The following MOB3B variants were observed in gnomAD, a reference collection of about 807,000 sequenced individuals.
MOB3B encodes the protein MOB kinase activator-like 2B.
A neutral mutation model predicts 18.7 loss-of-function variants in MOB3B; 7 were observed. That is an observed-to-expected ratio of 0.37 (90% confidence interval 0.21 to 0.70). The LOEUF (loss-of-function observed/expected upper bound fraction) is 0.70. MOB3B is among the 30% of genes least tolerant of loss of function. MOB3B has a pLI of 0.52. For missense variants in MOB3B, 253 were observed against 281.3 expected (o/e 0.90, Z 0.72); for synonymous variants, 111 against 99.9 (o/e 1.11, Z -0.66).
At chr9:27,472,166 G>T (rs1819482340) in intron 1 of MOB3B, among the ~76,000 whole-genome samples, 1 of 151,314 alleles carries the variant, frequency 6.6e-6, no homozygotes, top group Admixed American at 6.6e-5. Context: ...ATTTAGGGGA[G>T]TTGTTTTGGT....
intron 1 of MOB3B, among the ~76,000 whole-genome samples, chr9:27,476,560 C>A (rs944531927): frequency 2.0e-5 from 3 of 152,158 alleles, no homozygotes; most frequent in Non-Finnish European, 2.9e-5. Context: ...TCTGCAATAA[C>A]CCTGTTTTCA....
At chr9:27,486,993 T>C (rs942592671) in intron 1 of MOB3B, among the ~76,000 whole-genome samples, 2 of 151,982 alleles carry the variant, frequency 1.3e-5, no homozygotes, top group Non-Finnish European at 2.9e-5. Flanking sequence ...TAGCTGGGTG[T>C]GGTGTCACAT....
At chr9:27,474,152 T>C (rs1819517700) in intron 1 of MOB3B, among the ~76,000 whole-genome samples, 1 of 152,210 alleles carries the variant, frequency 6.6e-6, no homozygotes, top group South Asian at 2.1e-4. Context: ...CTCATTTTTA[T>C]TATAGTCTAG....
chr9:27,402,132 G>A (rs759062083), intron 2 of MOB3B, among the ~76,000 whole-genome samples: 6 of 152,184 alleles, frequency 3.9e-5, no homozygotes, highest in Non-Finnish European at 8.8e-5. Context: ...TCTTGGGAAT[G>A]TTAACTGTAA....
rs58851638 is a variant in MOB3B at position 27,357,888 on chromosome 9, C to CAAAAAAAAAAAAAAAAAAAAAAA, written c.621+1123_621+1145dup. The stretch of plus-strand genomic sequence containing the variant: ...TCAACATAATGAGATCCCATCGCTA[C>CAAAAAAAAAAAAAAAAAAAAAAA]AAAAAAAAAAAAAAAAAAAAAAAAA... On this transcript the variant is annotated intron_variant, in intron 3 of 3. Transcript: ENST00000262244. Among the ~76,000 whole-genome samples, 89 of 57,960 alleles carry CAAAAAAAAAAAAAAAAAAAAAAA rather than the reference C, an allele frequency of 1.5e-3. 10 individuals carry two copies. The highest frequency in any genetic ancestry group is 1.9e-3 in the Non-Finnish European group (60 of 31,468). The allele number at this position is 57,960 out of a possible 152,430, so 38.0% of individuals were successfully genotyped here.
intron 2 of MOB3B, among the ~76,000 whole-genome samples, chr9:27,447,426 G>A (rs182691932): frequency 1.2e-3 from 188 of 152,248 alleles, no homozygotes; most frequent in Middle Eastern, 3.4e-3. Flanking sequence ...CCCTATTATG[G>A]CCTTTGTTTG....
intron 1 of MOB3B, among the ~76,000 whole-genome samples, chr9:27,510,358 C>T (rs1820124616): frequency 6.6e-6 from 1 of 152,162 alleles, no homozygotes; most frequent in Admixed American, 6.5e-5. Flanking sequence ...GTCTGTAGTC[C>T]TCCCTGTATT....
At chr9:27,407,674 A>G (rs1822002906) in intron 2 of MOB3B, among the ~76,000 whole-genome samples, 1 of 152,160 alleles carries the variant, frequency 6.6e-6, no homozygotes, top group African/African-American at 2.4e-5. Flanking sequence ...TTCTGCTCCA[A>G]GGAAACTGGT....
chr9:27,347,782 ATACT>A (rs1174256890), intron 3 of MOB3B, among the ~76,000 whole-genome samples: 2 of 152,208 alleles, frequency 1.3e-5, no homozygotes, highest in Non-Finnish European at 2.9e-5. Context: ...AGATACACAA[ATACT>A]TACCATTATG....
chr9:27,484,002 C>T, intron 1 of MOB3B, among the ~76,000 whole-genome samples: 1 of 152,174 alleles, frequency 6.6e-6, no homozygotes, highest in South Asian at 2.1e-4. Flanking sequence ...CTAAGGAGTG[C>T]CAGGGCAGGG....
At chr9:27,455,807 A>G (rs966335820) in intron 1 of MOB3B, 59 bp from the exon 2 acceptor site, 40 of 1,367,920 alleles carry the variant, frequency 2.9e-5, no homozygotes, top group Admixed American at 1.6e-4. Context: ...AAAAAATGAC[A>G]GTCTTCAACC....
intron 2 of MOB3B, among the ~76,000 whole-genome samples, chr9:27,448,614 C>G (rs116605568): frequency 2.0e-5 from 3 of 152,134 alleles, no homozygotes; most frequent in Non-Finnish European, 4.4e-5. Context: ...TCCCACCATG[C>G]GTGGGAATTA....
chr9:27,490,735 C>T (rs1819803763), intron 1 of MOB3B, among the ~76,000 whole-genome samples: 1 of 152,140 alleles, frequency 6.6e-6, no homozygotes, highest in Admixed American at 6.5e-5. Context: ...GGTTTCTTGA[C>T]TCTCACTCCA....
chr9:27,504,130 C>CT (rs773794665), intron 1 of MOB3B, among the ~76,000 whole-genome samples: 81 of 152,350 alleles, frequency 5.3e-4, no homozygotes, highest in Middle Eastern at 6.8e-3. Flanking sequence ...TTTTGCTCAA[C>CT]TTTAAATTCA....
chr9:27,460,069 T>C (rs898280428), intron 1 of MOB3B, among the ~76,000 whole-genome samples: 1 of 152,150 alleles, frequency 6.6e-6, no homozygotes, highest in East Asian at 1.9e-4. Flanking sequence ...ACTAAGGACA[T>C]AGAGTTCATA....
intron 3 of MOB3B, 86 bp downstream of exon 3, chr9:27,358,948 C>T: frequency 7.3e-7 from 1 of 1,364,262 alleles, no homozygotes. Flanking sequence ...CATCAATGAG[C>T]ATTTTCCAGG....
At chr9:27,517,882 C>T (rs1820262513) in intron 1 of MOB3B, among the ~76,000 whole-genome samples, 1 of 151,996 alleles carries the variant, frequency 6.6e-6, no homozygotes, top group Non-Finnish European at 1.5e-5. Flanking sequence ...AAAAGTCTAG[C>T]ATCTCTCAGG....
At chr9:27,340,495 T>C (rs2131337903) in intron 3 of MOB3B, among the ~76,000 whole-genome samples, 1 of 152,340 alleles carries the variant, frequency 6.6e-6, no homozygotes, top group Non-Finnish European at 1.5e-5. Flanking sequence ...TGCCTCATAG[T>C]GCATCGTGAA....
At chr9:27,383,064 C>T (rs1821602278) in intron 2 of MOB3B, among the ~76,000 whole-genome samples, 1 of 152,146 alleles carries the variant, frequency 6.6e-6, no homozygotes, top group Admixed American at 6.5e-5. Context: ...TCAATAGACA[C>T]TTATTGTGTG....
Sources: allele counts gnomAD v4.1 joint callset (sites outside exome capture counted in the v4.1 genomes callset), GRCh38; gene constraint gnomAD v4.1.1; transcripts MANE v1.5; gene names NCBI Gene and HGNC (gene_info 2026-07-23, HGNC 2026-07-21).